The following CCSER1 variants were observed in gnomAD, a reference collection of about 807,000 sequenced individuals.
CCSER1 encodes the protein serine-rich coiled-coil domain-containing protein 1.
In CCSER1, 41 loss-of-function variants were observed where a neutral mutation model predicts 82.0. That is an observed-to-expected ratio of 0.50 (90% CI 0.39 to 0.65). CCSER1 has a LOEUF of 0.65. CCSER1 is among the 30% of genes least tolerant of loss of function. The probability of loss-of-function intolerance (pLI) is 0.00; values close to 1 mark genes in which losing one functional copy is unlikely to be tolerated. For synonymous variants in CCSER1, 414 were observed against 383.9 expected (o/e 1.08, Z -0.92); for missense variants, 1,119 against 1,064.2 (o/e 1.05, Z -0.72).
intron 10 of CCSER1, among the ~76,000 whole-genome samples, chr4:91,529,177 G>C (rs1760908700): frequency 6.6e-6 from 1 of 152,068 alleles, no homozygotes; most frequent in Non-Finnish European, 1.5e-5. Context: ...ATGTAAGAAG[G>C]AAAATTCTAA....
At chr4:90,989,992 T>C (rs1292115369) in intron 9 of CCSER1, among the ~76,000 whole-genome samples, 2 of 151,870 alleles carry the variant, frequency 1.3e-5, no homozygotes, top group African/African-American at 4.8e-5. Flanking sequence ...ACCCAGAAGA[T>C]GTCTGGTCCA....
intron 5 of CCSER1, among the ~76,000 whole-genome samples, chr4:90,583,112 G>A (rs565950038): frequency 6.6e-6 from 1 of 152,138 alleles, no homozygotes; most frequent in East Asian, 1.9e-4. Context: ...TCTACTCAAT[G>A]GTTTTGTGAG....
At chr4:90,306,781 G>T (rs1166886786) in intron 1 of CCSER1, among the ~76,000 whole-genome samples, 3 of 152,128 alleles carry the variant, frequency 2.0e-5, no homozygotes, top group African/African-American at 7.2e-5. Flanking sequence ...ATGAAACAGA[G>T]TCTGATTCAA....
At chr4:90,551,860 C>A (rs1777559863) in intron 5 of CCSER1, among the ~76,000 whole-genome samples, 1 of 151,864 alleles carries the variant, frequency 6.6e-6, no homozygotes, top group East Asian at 1.9e-4. Context: ...GACTGGGTAA[C>A]TTTTAAAGAG....
intron 5 of CCSER1, among the ~76,000 whole-genome samples, chr4:90,560,938 G>C (rs1161056049): frequency 1.3e-5 from 2 of 152,114 alleles, no homozygotes; most frequent in Non-Finnish European, 2.9e-5. Flanking sequence ...TCATCTGGCA[G>C]GTGACTTTAC....
chr4:91,020,243 G>A (rs192952717), intron 9 of CCSER1, among the ~76,000 whole-genome samples: 347 of 152,240 alleles, frequency 2.3e-3, no homozygotes, highest in African/African-American at 7.0e-3. Context: ...TGTCATAGAT[G>A]TTGCTACAGA....
intron 1 of CCSER1, among the ~76,000 whole-genome samples, chr4:90,263,477 G>C (rs1230318099): frequency 6.6e-6 from 1 of 152,212 alleles, no homozygotes; most frequent in Non-Finnish European, 1.5e-5. Context: ...TTTTTCAAAT[G>C]CTGGTTATAA....
At chr4:90,584,623 G>C (rs1044922643) in intron 5 of CCSER1, among the ~76,000 whole-genome samples, 1 of 152,128 alleles carries the variant, frequency 6.6e-6, no homozygotes, top group Admixed American at 6.5e-5. Context: ...AATTTGTTTT[G>C]CAGTGATAGA....
chr4:90,919,113 A>AGG (rs35901079), intron 8 of CCSER1, among the ~76,000 whole-genome samples: 1 of 140,318 alleles, frequency 7.1e-6, no homozygotes, highest in African/African-American at 2.7e-5. Flanking sequence ...AAAAAAAAAA[A>AGG]GGACTTAGTA....
intron 10 of CCSER1, among the ~76,000 whole-genome samples, chr4:91,337,793 A>T (rs1436019026): frequency 6.6e-6 from 1 of 152,138 alleles, no homozygotes; most frequent in Admixed American, 6.6e-5. Flanking sequence ...TTTTATATTT[A>T]TTAATATATC....
intron 1 of CCSER1, among the ~76,000 whole-genome samples, chr4:90,234,351 G>A (rs1394499229): frequency 6.6e-6 from 1 of 151,726 alleles, no homozygotes; most frequent in African/African-American, 2.4e-5. Context: ...CAAATAGCTG[G>A]GATTACAGGT....
intron 10 of CCSER1, among the ~76,000 whole-genome samples, chr4:91,124,526 A>T (rs1320943563): frequency 6.6e-6 from 1 of 151,796 alleles, no homozygotes; most frequent in Non-Finnish European, 1.5e-5. Context: ...CCCTCATCCC[A>T]TTCAGACTGA....
intron 10 of CCSER1, among the ~76,000 whole-genome samples, chr4:91,232,711 GTA>G (rs1738714918): frequency 6.6e-6 from 1 of 151,584 alleles, no homozygotes; most frequent in Non-Finnish European, 1.5e-5. Context: ...TAAAATACTT[GTA>G]TAAAGACAAA....
chr4:90,413,981 AATATAT>A (rs70963066), intron 4 of CCSER1, among the ~76,000 whole-genome samples: 552 of 52,424 alleles, frequency 0.011, 16 homozygotes, highest in African/African-American at 0.049. Flanking sequence ...AAAAAAAAAA[AATATAT>A]ATATATATAT....
At chr4:91,238,208 GT>G (rs1196627338) in intron 10 of CCSER1, among the ~76,000 whole-genome samples, 2 of 151,974 alleles carry the variant, frequency 1.3e-5, no homozygotes, top group Admixed American at 6.6e-5. Flanking sequence ...TCAGAAGAAC[GT>G]TTAAAAGAGA....
intron 1 of CCSER1, among the ~76,000 whole-genome samples, chr4:90,182,246 A>G (rs991833715): frequency 3.3e-5 from 5 of 152,108 alleles, no homozygotes; most frequent in Admixed American, 3.3e-4. Flanking sequence ...TTGGAAAATA[A>G]GAGTTATGGT....
intron 10 of CCSER1, among the ~76,000 whole-genome samples, chr4:91,286,336 GT>G (rs1418979937): frequency 6.6e-6 from 1 of 151,750 alleles, no homozygotes; most frequent in Non-Finnish European, 1.5e-5. Flanking sequence ...TATAGGTTTG[GT>G]TAGTATTTTC....
chr4:90,230,297 A>G (rs1474642087), intron 1 of CCSER1, among the ~76,000 whole-genome samples: 9 of 152,238 alleles, frequency 5.9e-5, no homozygotes, highest in Non-Finnish European at 8.8e-5. Context: ...CAATCAAACT[A>G]GAACTCAGGA....
At chr4:90,488,823 T>C (rs185628426) in intron 5 of CCSER1, among the ~76,000 whole-genome samples, 1 of 152,318 alleles carries the variant, frequency 6.6e-6, no homozygotes, top group East Asian at 1.9e-4. Context: ...TTGTTGATTT[T>C]CCCTGAAGTC....
Sources: allele counts gnomAD v4.1 joint callset (sites outside exome capture counted in the v4.1 genomes callset), GRCh38; gene constraint gnomAD v4.1.1; transcripts MANE v1.5; gene names NCBI Gene and HGNC (gene_info 2026-07-23, HGNC 2026-07-21).